Variants in NPAS3 observed in about 807,000 individuals in gnomAD.
NPAS3 encodes the protein neuronal PAS domain-containing protein 3.
Under a neutral mutation model 73.1 loss-of-function variants are expected in NPAS3, and 14 were observed. The ratio of observed to expected loss-of-function variants is 0.19; its 90% confidence interval spans 0.13 to 0.30. NPAS3 has a LOEUF of 0.30. NPAS3 is among the 10% of genes least tolerant of loss of function. NPAS3 has a pLI of 1.00. For synonymous variants in NPAS3, 620 were observed against 541.5 expected (o/e 1.14, Z -2.01); for missense variants, 1,096 against 1,250.0 (o/e 0.88, Z 1.86).
chr14:33,725,682 C>T (rs2061245534), intron 6 of NPAS3, among the ~76,000 whole-genome samples: 1 of 152,068 alleles, frequency 6.6e-6, no homozygotes, highest in Non-Finnish European at 1.5e-5. Flanking sequence ...TGCCTCTTAA[C>T]CCTTTGGAAT....
At position 33,514,454 on chromosome 14, in the gene NPAS3, G is replaced by A. The variant is rs142327738; in HGVS notation, c.469-45667G>A. On this transcript the variant is annotated intron_variant, in intron 4 of 11. Coordinates refer to ENST00000356141, the Ensembl canonical transcript of NPAS3. Reference sequence around the variant, plus strand: ...TTGGATATATAACCTTTACCAAGACGATTGTGATGCCCAAATTGGTTGCGT... The same window carrying A: ...TTGGATATATAACCTTTACCAAGACAATTGTGATGCCCAAATTGGTTGCGT... Among the ~76,000 whole-genome samples, 875 of 152,098 alleles carry A rather than the reference G, an allele frequency of 5.8e-3. 11 individuals are homozygous for A. Among genetic ancestry groups the A allele is most frequent in the Middle Eastern group, 0.017 (5 of 294 alleles).
chr14:33,439,771 C>A (rs551677648), intron 4 of NPAS3, among the ~76,000 whole-genome samples: 1 of 152,190 alleles, frequency 6.6e-6, no homozygotes, highest in Non-Finnish European at 1.5e-5. Context: ...AGAAACCAAC[C>A]TGAGTGAAAA....
intron 2 of NPAS3, among the ~76,000 whole-genome samples, chr14:33,198,167 G>A (rs971263915): frequency 6.6e-6 from 1 of 152,168 alleles, no homozygotes; most frequent in Admixed American, 6.5e-5. Context: ...AGCTCATAAA[G>A]TCAGTGCGGA....
At chr14:33,236,184 G>A (rs2048027755) in intron 3 of NPAS3, among the ~76,000 whole-genome samples, 2 of 151,928 alleles carry the variant, frequency 1.3e-5, no homozygotes, top group South Asian at 2.1e-4. Context: ...AACCAAAGAG[G>A]AAAGGATTGT....
At chr14:33,469,100 CAT>C (rs2050664334) in intron 4 of NPAS3, among the ~76,000 whole-genome samples, 1 of 152,146 alleles carries the variant, frequency 6.6e-6, no homozygotes, top group Non-Finnish European at 1.5e-5. Flanking sequence ...TAATTAAAGA[CAT>C]TTTCTGAAAT....
chr14:33,127,035 C>A (rs1166121481), intron 2 of NPAS3, among the ~76,000 whole-genome samples: 7 of 152,010 alleles, frequency 4.6e-5, no homozygotes, highest in Admixed American at 1.3e-4. Flanking sequence ...ATCTCCACTG[C>A]CCTGGCTCTC....
chr14:33,623,290 T>G (rs1351707085), intron 5 of NPAS3, among the ~76,000 whole-genome samples: 9 of 152,188 alleles, frequency 5.9e-5, no homozygotes, highest in Admixed American at 5.9e-4. Flanking sequence ...AGTATCCCAG[T>G]AAGCCTTCAA....
At chr14:33,797,610 A>G in intron 11 of NPAS3, 29 bp downstream of exon 11, 7 of 1,611,348 alleles carry the variant, frequency 4.3e-6, no homozygotes, top group Non-Finnish European at 5.9e-6. Flanking sequence ...CATGTTCTTC[A>G]GTGAAGCTTG....
chr14:33,578,654 C>A (rs767938652), intron 5 of NPAS3, among the ~76,000 whole-genome samples: 20 of 152,168 alleles, frequency 1.3e-4, no homozygotes, highest in Admixed American at 7.9e-4. Flanking sequence ...GGATTTTGCT[C>A]ATATGTTAAT....
chr14:33,737,762 G>A (rs2061559166), intron 7 of NPAS3, among the ~76,000 whole-genome samples: 1 of 152,126 alleles, frequency 6.6e-6, no homozygotes, highest in Admixed American at 6.5e-5. Flanking sequence ...TTCTCAGTGA[G>A]TAAATCTAGC....
At chr14:33,658,983 C>T (rs2059230073) in intron 5 of NPAS3, among the ~76,000 whole-genome samples, 1 of 152,008 alleles carries the variant, frequency 6.6e-6, no homozygotes, top group Non-Finnish European at 1.5e-5. Context: ...ACTCTGGGAC[C>T]CCAAATAATT....
At chr14:33,056,531 A>C (rs2040895636) in intron 2 of NPAS3, among the ~76,000 whole-genome samples, 1 of 152,226 alleles carries the variant, frequency 6.6e-6, no homozygotes, top group African/African-American at 2.4e-5. Flanking sequence ...CAGGACAGTT[A>C]AATTGAAGTT....
intron 5 of NPAS3, among the ~76,000 whole-genome samples, chr14:33,610,007 G>A (rs1178436239): frequency 1.3e-5 from 2 of 152,098 alleles, no homozygotes. Context: ...AGTTCAATAG[G>A]AGGGTTGTTG....
chr14:33,362,361 T>C (rs2045642191), intron 3 of NPAS3, among the ~76,000 whole-genome samples: 1 of 152,172 alleles, frequency 6.6e-6, no homozygotes, highest in Non-Finnish European at 1.5e-5. Flanking sequence ...GGGAAACAGA[T>C]ACACACACTC....
rs1056283172 is a variant in NPAS3 at position 33,065,299 on chromosome 14, G to A, written c.140+9305G>A. 3.2e-4 allele frequency among the ~76,000 whole-genome samples: 48 copies of A among 152,128 alleles called. 1 individual carries two copies. Among genetic ancestry groups the A allele is most frequent in the Admixed American group, 2.2e-3 (34 of 15,268 alleles). On this transcript the variant is annotated intron_variant, in intron 2 of 11. Transcript: ENST00000356141. ...TTAAAGAAACATACGGCTTTTTTAG[G>A]TCAGATACATCCATGTATGAAAAGT... is the stretch of plus-strand genomic sequence containing the variant.
At chr14:33,641,819 G>A (rs915802132) in intron 5 of NPAS3, among the ~76,000 whole-genome samples, 1 of 151,996 alleles carries the variant, frequency 6.6e-6, no homozygotes, top group African/African-American at 2.4e-5. Context: ...TGTGCTAATG[G>A]TACAGCGGCA....
chr14:33,754,989 T>A (rs2062071699), intron 7 of NPAS3, among the ~76,000 whole-genome samples: 1 of 152,146 alleles, frequency 6.6e-6, no homozygotes, highest in African/African-American at 2.4e-5. Flanking sequence ...TGGAGACACA[T>A]ATTGTTGTTT....
chr14:33,259,034 C>T (rs142164836), intron 3 of NPAS3, among the ~76,000 whole-genome samples: 88 of 152,296 alleles, frequency 5.8e-4, no homozygotes, highest in Non-Finnish European at 7.1e-4. Flanking sequence ...ATGATGGTCT[C>T]GATCTCCTGA....
At chr14:33,113,517 T>G (rs973235924) in intron 2 of NPAS3, among the ~76,000 whole-genome samples, 1 of 152,206 alleles carries the variant, frequency 6.6e-6, no homozygotes, top group African/African-American at 2.4e-5. Flanking sequence ...ACATTGATTT[T>G]GTATCCTGAG....
Sources: allele counts gnomAD v4.1 joint callset (sites outside exome capture counted in the v4.1 genomes callset), GRCh38; gene constraint gnomAD v4.1.1; transcripts MANE v1.5; gene names NCBI Gene and HGNC (gene_info 2026-07-23, HGNC 2026-07-21).